FBXW11: variants seen among roughly 807,000 people sequenced by gnomAD.
The protein encoded by FBXW11 is F-box and WD repeat domain containing 11.
A neutral mutation model predicts 77.6 loss-of-function variants in FBXW11; 19 were observed. The ratio of observed to expected loss-of-function variants is 0.24; its 90% CI spans 0.17 to 0.36. The LOEUF is 0.36. Among genes scored for constraint, FBXW11 ranks in the 10% least tolerant of loss-of-function variants. The pLI, the probability that FBXW11 is intolerant of heterozygous loss-of-function variation, is 1.00. For synonymous variants in FBXW11, 235 were observed against 249.4 expected, an observed-to-expected ratio of 0.94 and a Z score of 0.54; for missense variants, 334 against 704.2, an observed-to-expected ratio of 0.47 and a Z score of 5.95.
intron 2 of FBXW11, among the ~76,000 whole-genome samples, chr5:171,955,816 CAA>C (rs57350427): frequency 1.5e-5 from 2 of 133,872 alleles, no homozygotes. Flanking sequence ...CCAATCAAGG[CAA>C]AAAAAAAAAA....
chr5:171,983,342 C>A (rs1275358615), intron 1 of FBXW11, among the ~76,000 whole-genome samples: 2 of 152,126 alleles, frequency 1.3e-5, no homozygotes, highest in African/African-American at 4.8e-5. Context: ...TAATAATATC[C>A]TTTATGATAA....
intron 2 of FBXW11, among the ~76,000 whole-genome samples, chr5:171,932,353 A>G (rs182596480): frequency 9.0e-4 from 137 of 152,324 alleles, no homozygotes; most frequent in African/African-American, 3.2e-3. Flanking sequence ...ATACCACAAC[A>G]CATCTATCAG....
At chr5:172,001,649 A>T (rs1291787266) in intron 1 of FBXW11, among the ~76,000 whole-genome samples, 1 of 152,232 alleles carries the variant, frequency 6.6e-6, no homozygotes, top group Non-Finnish European at 1.5e-5. Context: ...GAATTCATTC[A>T]TTTCATTTGA....
At position 171,905,232 on chromosome 5, in the gene FBXW11, G is replaced by A. The variant is rs539505612; in HGVS notation, c.437-5132C>T. Among the ~76,000 whole-genome samples, 8 of 152,282 alleles carry A rather than the reference G, an allele frequency of 5.3e-5. No homozygotes were observed. In the East Asian group the frequency reaches 5.8e-4, roughly 11 times the overall value. On this transcript the variant is annotated intron_variant, in intron 4 of 13. Transcript: ENST00000517395. ...ATCTCAGTTCTGTCAACTGCTAGTT[G>A]TGTGACCTTAAGCAGATCAGTTTTC... is the stretch of plus-strand genomic sequence containing the variant.
intron 2 of FBXW11, among the ~76,000 whole-genome samples, chr5:171,931,251 A>G (rs1159307446): frequency 1.3e-5 from 2 of 152,272 alleles, no homozygotes; most frequent in East Asian, 3.8e-4. Context: ...GAAGGAGAAC[A>G]AAGTTCAAGG....
intron 7 of FBXW11, among the ~76,000 whole-genome samples, chr5:171,889,329 A>C (rs1024194438): frequency 2.6e-5 from 4 of 152,100 alleles, no homozygotes; most frequent in African/African-American, 9.7e-5. Flanking sequence ...GGAGTTCAAG[A>C]CCAGCCGGGT....
intron 6 of FBXW11, 70 bp from the exon 7 acceptor site, chr5:171,891,674 C>T (rs913570644): frequency 1.5e-5 from 22 of 1,501,152 alleles, no homozygotes; most frequent in Non-Finnish European, 1.9e-5. Context: ...CAGACTTTGG[C>T]GTTGCTTCCA....
intron 6 of FBXW11, among the ~76,000 whole-genome samples, chr5:171,896,261 A>G (rs1012008444): frequency 6.6e-6 from 1 of 152,188 alleles, no homozygotes; most frequent in African/African-American, 2.4e-5. Flanking sequence ...GTGAACTGGC[A>G]ACCTTGCAAA....
At chr5:171,969,433 A>C (rs1350657381) in intron 1 of FBXW11, among the ~76,000 whole-genome samples, 1 of 152,198 alleles carries the variant, frequency 6.6e-6, no homozygotes, top group African/African-American at 2.4e-5. Flanking sequence ...AGACTACATC[A>C]TATTTCTATT....
chr5:171,940,736 A>C (rs1245636947), intron 2 of FBXW11, among the ~76,000 whole-genome samples: 3 of 152,120 alleles, frequency 2.0e-5, no homozygotes, highest in Non-Finnish European at 4.4e-5. Context: ...AAAAATACAA[A>C]AATTAGCCAG....
In FBXW11 at chr5:171,888,667, C is replaced by G. The variant is rs116240853; in HGVS notation, c.852+2800G>C. ...TGCCCAAAATACTAGTTTAAATTAC[C>G]TGGCATACAAAAATCAAGAAAGATG... is the stretch of plus-strand genomic sequence containing the variant. On this transcript the variant is annotated intron_variant, in intron 7 of 13. Transcript: ENST00000517395. Among the ~76,000 whole-genome samples the G allele has an allele frequency of 3.7e-3, 570 of 152,282 alleles. 3 individuals carry two copies. Among genetic ancestry groups the G allele is most frequent in the African/African-American group, 0.013 (546 of 41,560 alleles).
At chr5:171,918,970 C>A (rs1398668460) in intron 2 of FBXW11, among the ~76,000 whole-genome samples, 1 of 152,146 alleles carries the variant, frequency 6.6e-6, no homozygotes, top group South Asian at 2.1e-4. Flanking sequence ...TACTAAGGCA[C>A]TACCATCTCA....
At chr5:171,957,931 G>A (rs1022140168) in intron 1 of FBXW11, among the ~76,000 whole-genome samples, 1 of 152,174 alleles carries the variant, frequency 6.6e-6, no homozygotes. Flanking sequence ...ACAGTGAATA[G>A]AATCAAGAGG....
At chr5:171,935,745 A>C (rs1390433065) in intron 2 of FBXW11, among the ~76,000 whole-genome samples, 1 of 152,200 alleles carries the variant, frequency 6.6e-6, no homozygotes, top group East Asian at 1.9e-4. Flanking sequence ...TTCCTTGAGT[A>C]ATCCTGAGAT....
At chr5:171,951,565 T>TA (rs1763317312) in intron 2 of FBXW11, among the ~76,000 whole-genome samples, 1 of 46,228 alleles carries the variant, frequency 2.2e-5, no homozygotes, top group Non-Finnish European at 9.9e-5. Context: ...AAAAAGTGGC[T>TA]ATTTTTTTTT....
intron 1 of FBXW11, among the ~76,000 whole-genome samples, chr5:171,968,820 C>A (rs1358750366): frequency 1.3e-5 from 2 of 152,148 alleles, no homozygotes; most frequent in Non-Finnish European, 2.9e-5. Context: ...GCTCCTTCTA[C>A]CCACCATCAT....
chr5:171,963,133 T>C (rs1263576764), intron 1 of FBXW11, among the ~76,000 whole-genome samples: 1 of 152,130 alleles, frequency 6.6e-6, no homozygotes, highest in Non-Finnish European at 1.5e-5. Flanking sequence ...ACATTCTCTT[T>C]ATTCTCCAGG....
chr5:171,879,961 C>A (rs1758392772), intron 7 of FBXW11, among the ~76,000 whole-genome samples: 1 of 152,134 alleles, frequency 6.6e-6, no homozygotes. Context: ...TTAATTCTTT[C>A]TTTCATGGGT....
intron 2 of FBXW11, among the ~76,000 whole-genome samples, chr5:171,937,126 C>G (rs889838216): frequency 6.6e-6 from 1 of 152,220 alleles, no homozygotes; most frequent in African/African-American, 2.4e-5. Context: ...CGAAAGATGA[C>G]AGTTCTCCCT....
Sources: gnomAD v4.1 joint callset for allele counts (sites outside exome capture counted in the v4.1 genomes callset) on GRCh38, gnomAD v4.1.1 for gene constraint, MANE v1.5 for transcripts, NCBI Gene and HGNC (gene_info 2026-07-23, HGNC 2026-07-21) for gene names.